FOXP1: variants seen among roughly 807,000 people sequenced by gnomAD.
FOXP1 encodes forkhead box protein P1.
In FOXP1, 15 loss-of-function variants were observed where a neutral mutation model predicts 98.2. That is an observed-to-expected ratio of 0.15 (90% CI 0.10 to 0.24). The LOEUF (loss-of-function observed/expected upper bound fraction) is 0.24. Among genes scored for constraint, FOXP1 ranks in the 10% least tolerant of loss-of-function variants. The pLI is 1.00. For synonymous variants in FOXP1, 371 were observed against 314.5 expected (o/e 1.18, Z -1.90); for missense variants, 633 against 848.5 (o/e 0.75, Z 3.15).
At chr3:71,456,743 C>T (rs931029592) in intron 3 of FOXP1, among the ~76,000 whole-genome samples, 4 of 151,804 alleles carry the variant, frequency 2.6e-5, no homozygotes, top group Non-Finnish European at 4.4e-5. Context: ...ATTTTTATTA[C>T]TAACAACGTG....
chr3:71,220,080 G>C (rs1474237099), intron 5 of FOXP1, among the ~76,000 whole-genome samples: 1 of 152,192 alleles, frequency 6.6e-6, no homozygotes. Context: ...AGATCTGGAA[G>C]AGCCCCATCA....
chr3:71,561,213 C>T (rs1456689243), intron 2 of FOXP1, among the ~76,000 whole-genome samples: 2 of 151,934 alleles, frequency 1.3e-5, no homozygotes, highest in Admixed American at 6.6e-5. Context: ...TGCACCACCA[C>T]GCCCGGCTCA....
rs139144689 is a variant in FOXP1 at position 71,051,923 on chromosome 3, T to A, written c.510+614A>T. Among the ~76,000 whole-genome samples the A allele has an allele frequency of 6.2e-3, 947 of 152,336 alleles. 6 individuals carry two copies. Among genetic ancestry groups the A allele is most frequent in the African/African-American group, 0.019 (808 of 41,574 alleles). The stretch of plus-strand genomic sequence containing the variant: ...AGCGTGGTGCATATAGAAGCTATTA[T>A]GATATACTTTTCTCCACCCTGCCCA... On this transcript the variant is annotated intron_variant, in intron 9 of 20. Transcript: ENST00000649528.
chr3:71,234,624 A>G (rs1484871404), intron 5 of FOXP1, among the ~76,000 whole-genome samples: 1 of 152,202 alleles, frequency 6.6e-6, no homozygotes, highest in Non-Finnish European at 1.5e-5. Context: ...GGTGTCTGCA[A>G]AGAAATGTTT....
At chr3:71,119,704 C>G (rs982375019) in intron 6 of FOXP1, among the ~76,000 whole-genome samples, 1 of 152,052 alleles carries the variant, frequency 6.6e-6, no homozygotes, top group Non-Finnish European at 1.5e-5. Context: ...GTAGCAAGAC[C>G]GAGGACTGAG....
At chr3:71,180,269 C>A (rs1353882889) in intron 6 of FOXP1, among the ~76,000 whole-genome samples, 1 of 152,008 alleles carries the variant, frequency 6.6e-6, no homozygotes, top group Admixed American at 6.6e-5. Context: ...TTATTTCAGA[C>A]TAGAACCTAA....
At chr3:71,165,880 GATC>G (rs1339527889) in intron 6 of FOXP1, among the ~76,000 whole-genome samples, 1 of 152,172 alleles carries the variant, frequency 6.6e-6, no homozygotes, top group African/African-American at 2.4e-5. Context: ...GAAGCAACGT[GATC>G]ATCAAGTAAC....
At chr3:71,188,817 T>C (rs2062805155) in intron 6 of FOXP1, among the ~76,000 whole-genome samples, 3 of 152,232 alleles carry the variant, frequency 2.0e-5, no homozygotes, top group African/African-American at 7.2e-5. Flanking sequence ...TGAAGATTAA[T>C]ATGTGTTAGG....
At chr3:71,322,685 G>C (rs746797151) in intron 4 of FOXP1, among the ~76,000 whole-genome samples, 11 of 152,166 alleles carry the variant, frequency 7.2e-5, no homozygotes, top group Non-Finnish European at 1.5e-5. Context: ...AATTATATGG[G>C]GGAGCAGTGG....
At chr3:71,157,167 T>C (rs1361122914) in intron 6 of FOXP1, among the ~76,000 whole-genome samples, 1 of 152,206 alleles carries the variant, frequency 6.6e-6, no homozygotes, top group African/African-American at 2.4e-5. Context: ...CAGGAGAATG[T>C]TGATAGGACA....
intron 13 of FOXP1, among the ~76,000 whole-genome samples, chr3:70,989,810 T>C (rs957549432): frequency 1.3e-5 from 2 of 152,126 alleles, no homozygotes; most frequent in Admixed American, 6.6e-5. Flanking sequence ...AATTTGGGGG[T>C]AAACGTTGTT....
intron 2 of FOXP1, chr3:71,572,843 A>T (rs923512056): frequency 1.3e-5 from 2 of 152,214 alleles, no homozygotes; most frequent in African/African-American, 4.8e-5. Flanking sequence ...TACATATTTC[A>T]CAATGAAAAT....
intron 12 of FOXP1, among the ~76,000 whole-genome samples, chr3:71,003,992 C>CT (rs975244369): frequency 6.2e-4 from 90 of 145,436 alleles, no homozygotes; most frequent in East Asian, 9.9e-4. Flanking sequence ...GGGAATTTCA[C>CT]TTTTTTTTTT....
intron 5 of FOXP1, among the ~76,000 whole-genome samples, chr3:71,212,161 A>C (rs1259046293): frequency 6.6e-6 from 1 of 152,196 alleles, no homozygotes; most frequent in Non-Finnish European, 1.5e-5. Flanking sequence ...GAAGGATTAA[A>C]AAAGAATTGA....
chr3:71,209,119 C>T (rs2064270054), intron 5 of FOXP1, among the ~76,000 whole-genome samples: 1 of 152,152 alleles, frequency 6.6e-6, no homozygotes, highest in African/African-American at 2.4e-5. Flanking sequence ...AAACAAAAAA[C>T]AGGCCCCTTT....
intron 4 of FOXP1, among the ~76,000 whole-genome samples, chr3:71,329,346 C>T (rs1264739353): frequency 1.3e-5 from 2 of 151,912 alleles, no homozygotes; most frequent in East Asian, 1.9e-4. Context: ...CTCAGCCTTC[C>T]GAGTAGCTGG....
chr3:71,289,846 T>C (rs1166932917), intron 5 of FOXP1: 1 of 151,512 alleles, frequency 6.6e-6, no homozygotes, highest in Non-Finnish European at 1.5e-5. Context: ...GAGATAAGAG[T>C]CTCACTATGT....
chr3:71,130,592 G>T (rs1405067977), intron 6 of FOXP1: 3 of 1,598,404 alleles, frequency 1.9e-6, no homozygotes, highest in Non-Finnish European at 1.7e-6. Context: ...TTTCTGCGAA[G>T]CGGGGGTTGC....
At position 71,131,051 on chromosome 3, in the gene FOXP1, G is replaced by GA. The variant is rs796597912; in HGVS notation, c.181-18415dup. 2,913 of 343,336 alleles carry GA rather than the reference G, an allele frequency of 8.5e-3. 8 individuals are homozygous for GA. The highest frequency in any genetic ancestry group is 0.018 in the African/African-American group (770 of 43,062). 21.3% of individuals were successfully genotyped at this position (343,336 alleles called of 1,614,324 possible). A position where few individuals can be genotyped will look rare whatever the true frequency, so the allele number is the denominator to read the frequency against. On this transcript the variant is annotated intron_variant, in intron 6 of 20. Coordinates refer to ENST00000649528, the MANE Select transcript of FOXP1 (RefSeq NM_001349338.3). ...TTTACATAGGCAGGATGCTTTAAAA[G>GA]AAAAAAAAAAGAAGAAGAAGAAAAT...
Sources: allele counts gnomAD v4.1 joint callset (sites outside exome capture counted in the v4.1 genomes callset), GRCh38; gene constraint gnomAD v4.1.1; transcripts MANE v1.5; gene names NCBI Gene and HGNC (gene_info 2026-07-23, HGNC 2026-07-21).